Variants in PCDH9 observed in about 807,000 individuals in gnomAD.
PCDH9 encodes the protein protocadherin-9.
A neutral mutation model predicts 70.6 loss-of-function variants in PCDH9; 24 were observed. The observed-to-expected ratio is 0.34, with a 90% confidence interval of 0.25 to 0.48. The LOEUF (loss-of-function observed/expected upper bound fraction) is 0.48. Among genes scored for constraint, PCDH9 ranks in the 20% least tolerant of loss-of-function variants. The pLI, the probability that PCDH9 is intolerant of heterozygous loss-of-function variation, is 0.99. For missense variants in PCDH9, 1,281 were observed against 1,503.6 expected (o/e 0.85, Z 2.45); for synonymous variants, 562 against 558.5 (o/e 1.01, Z -0.09).
At chr13:66,614,622 G>A (rs1037416512) in intron 4 of PCDH9, among the ~76,000 whole-genome samples, 12 of 152,138 alleles carry the variant, frequency 7.9e-5, no homozygotes, top group African/African-American at 1.7e-4. Context: ...CAGGCTTTTC[G>A]AATACTTCAG....
At chr13:67,136,732 A>C (rs1309930450) in intron 2 of PCDH9, among the ~76,000 whole-genome samples, 2 of 149,488 alleles carry the variant, frequency 1.3e-5, no homozygotes, top group East Asian at 1.9e-4. Flanking sequence ...AAATAATTTT[A>C]TATTTTCCAA....
intron 3 of PCDH9, among the ~76,000 whole-genome samples, chr13:66,870,363 T>C (rs2081654780): frequency 6.6e-6 from 1 of 152,028 alleles, no homozygotes; most frequent in South Asian, 2.1e-4. Flanking sequence ...GCATGATGCC[T>C]CCAGCTTTGT....
In PCDH9 at chr13:66,745,993, G is replaced by A. The variant is rs564101229; in HGVS notation, c.3139-114582C>T. Among the ~76,000 whole-genome samples the A allele has an allele frequency of 1.8e-4, 28 of 152,164 alleles. No homozygotes were observed. In the South Asian group the frequency reaches 5.2e-3, roughly 28 times the overall value. Reference sequence around the variant, plus strand: ...AATGTTTCCCCAACATGTGTATTGAGTTTTTCTCCTCTCAGAAATACTACT... The same window carrying A: ...AATGTTTCCCCAACATGTGTATTGAATTTTTCTCCTCTCAGAAATACTACT... On this transcript the variant is annotated intron_variant, in intron 3 of 4. Transcript: ENST00000377865.
At chr13:66,484,314 C>A (rs1191731722) in intron 4 of PCDH9, among the ~76,000 whole-genome samples, 1 of 152,062 alleles carries the variant, frequency 6.6e-6, no homozygotes, top group Non-Finnish European at 1.5e-5. Context: ...TGTAAACACT[C>A]ACCCCTAGAT....
intron 4 of PCDH9, among the ~76,000 whole-genome samples, chr13:66,431,726 A>G (rs1398322577): frequency 6.6e-6 from 1 of 152,022 alleles, no homozygotes; most frequent in Non-Finnish European, 1.5e-5. Context: ...ACACCCACAG[A>G]CAAATTAAGT....
At chr13:66,723,843 G>A (rs896134296) in intron 3 of PCDH9, among the ~76,000 whole-genome samples, 4 of 152,188 alleles carry the variant, frequency 2.6e-5, no homozygotes, top group Non-Finnish European at 5.9e-5. Flanking sequence ...AAGGAGCAAT[G>A]GTAAAAGGCC....
At chr13:66,519,924 A>G (rs1566387283) in intron 4 of PCDH9, among the ~76,000 whole-genome samples, 1 of 152,138 alleles carries the variant, frequency 6.6e-6, no homozygotes, top group East Asian at 1.9e-4. Context: ...TTTTACTGAA[A>G]AAGTATCACA....
chr13:66,948,195 T>G (rs2083120846), intron 2 of PCDH9, among the ~76,000 whole-genome samples: 1 of 152,112 alleles, frequency 6.6e-6, no homozygotes, highest in Admixed American at 6.6e-5. Flanking sequence ...CATTTGGAAA[T>G]AGTAGCAGGT....
chr13:66,870,605 G>T (rs1231555593), intron 3 of PCDH9, among the ~76,000 whole-genome samples: 3 of 152,044 alleles, frequency 2.0e-5, no homozygotes, highest in African/African-American at 2.4e-5. Context: ...TTCAAAAGAG[G>T]TTATTTATGC....
At chr13:66,799,140 T>A (rs546867456) in intron 3 of PCDH9, among the ~76,000 whole-genome samples, 1 of 152,252 alleles carries the variant, frequency 6.6e-6, no homozygotes, top group African/African-American at 2.4e-5. Context: ...ATTAAGAGAC[T>A]ATTTTACTAT....
intron 3 of PCDH9, among the ~76,000 whole-genome samples, chr13:66,833,442 A>G (rs563819480): frequency 6.8e-4 from 104 of 152,172 alleles, no homozygotes; most frequent in African/African-American, 2.5e-3. Context: ...GGCAGAGGGT[A>G]CCCTAATATT....
At chr13:66,316,181 C>T (rs951120082) in intron 4 of PCDH9, among the ~76,000 whole-genome samples, 4 of 152,146 alleles carry the variant, frequency 2.6e-5, no homozygotes, top group Non-Finnish European at 5.9e-5. Context: ...ACTGGGATCA[C>T]TTTGATTACA....
intron 3 of PCDH9, among the ~76,000 whole-genome samples, chr13:66,746,266 AGT>A (rs1369515484): frequency 1.3e-5 from 2 of 152,358 alleles, no homozygotes; most frequent in Non-Finnish European, 2.9e-5. Flanking sequence ...CAGCTCTGAA[AGT>A]GTGTTTTAAC....
intron 3 of PCDH9, among the ~76,000 whole-genome samples, chr13:66,875,181 C>T (rs532501919): frequency 6.6e-6 from 1 of 152,142 alleles, no homozygotes; most frequent in African/African-American, 2.4e-5. Flanking sequence ...ATGATGCCAG[C>T]GGCATTCAAA....
At chr13:66,403,982 A>G (rs1490302235) in intron 4 of PCDH9, among the ~76,000 whole-genome samples, 1 of 152,164 alleles carries the variant, frequency 6.6e-6, no homozygotes. Context: ...TTGGAGAAAA[A>G]AAGATAAAGG....
At chr13:66,804,933 A>C (rs1241505792) in intron 3 of PCDH9, among the ~76,000 whole-genome samples, 1 of 152,160 alleles carries the variant, frequency 6.6e-6, no homozygotes, top group African/African-American at 2.4e-5. Flanking sequence ...CAAATTGGGA[A>C]TATATAGTCA....
chr13:66,737,224 ACACGTGAT>A (rs2139189091), intron 3 of PCDH9, among the ~76,000 whole-genome samples: 2 of 152,288 alleles, frequency 1.3e-5, no homozygotes, highest in South Asian at 4.1e-4. Flanking sequence ...TCATATAAAA[ACACGTGAT>A]TGCTTGCATT....
intron 2 of PCDH9, among the ~76,000 whole-genome samples, chr13:67,193,658 A>T (rs537879785): frequency 3.9e-5 from 6 of 152,188 alleles, no homozygotes; most frequent in African/African-American, 1.4e-4. Context: ...ATTACCTTGG[A>T]TGTATATTCT....
rs537982674 is a variant in PCDH9, at chr13:66,731,332, A to C, written c.3139-99921T>G. Among the ~76,000 whole-genome samples, 13 of 152,190 alleles carry C rather than the reference A, an allele frequency of 8.5e-5. 1 individual carries two copies. The South Asian group carries it at 2.7e-3, about 32-fold the overall frequency. Reference sequence around the variant, plus strand: ...GTCAAAGTCAGACATTTTGTATACAATTTTTGCATGAATATGGTTCTAATG... The same window carrying C: ...GTCAAAGTCAGACATTTTGTATACACTTTTTGCATGAATATGGTTCTAATG... On this transcript the variant is annotated intron_variant, in intron 3 of 4. Transcript: ENST00000377865.
Sources: allele counts gnomAD v4.1 joint callset (sites outside exome capture counted in the v4.1 genomes callset), GRCh38; gene constraint gnomAD v4.1.1; transcripts MANE v1.5; gene names NCBI Gene and HGNC (gene_info 2026-07-23, HGNC 2026-07-21).